The following ZNF350 variants were observed in gnomAD, a reference collection of about 807,000 sequenced individuals.
ZNF350 encodes zinc finger protein 350.
In ZNF350, 5 loss-of-function variants were observed where a neutral mutation model predicts 13.1. The ratio of observed to expected loss-of-function variants is 0.38; its 90% CI spans 0.20 to 0.80. ZNF350 has a LOEUF of 0.80. Among genes scored for constraint, ZNF350 ranks in the 30% least tolerant of loss-of-function variants. ZNF350 has a pLI of 0.43. For missense variants in ZNF350, 534 were observed against 644.2 expected, an observed-to-expected ratio of 0.83 and a Z score of 1.85; for synonymous variants, 199 against 224.2, an observed-to-expected ratio of 0.89 and a Z score of 1.00.
At position 51,966,281 on chromosome 19, in the gene ZNF350, G is replaced by GTT. The variant is rs72177430; in HGVS notation, c.239-69_239-68dup. On this transcript the variant is annotated intron_variant, in intron 4 of 4. Transcript: ENST00000243644. The stretch of plus-strand genomic sequence containing the variant: ...GGTAAAAGTTTGTTGTGGTTTTTTT[G>GTT]TTTTTTTTGTTTTTTTTTTTAAGAT... 2,724 of 1,407,678 alleles carry GTT rather than the reference G, an allele frequency of 1.9e-3. 26 individuals carry two copies. The African/African-American group carries it at 0.027, about 14-fold the overall frequency. The allele number at this position is 1,407,678 out of a possible 1,614,324, so 87.2% of individuals were successfully genotyped here.
chr19:51,983,464 C>G (rs1169841873), intron 1 of ZNF350, among the ~76,000 whole-genome samples: 1 of 152,184 alleles, frequency 6.6e-6, no homozygotes, highest in Non-Finnish European at 1.5e-5. Flanking sequence ...CTGCTCCTCC[C>G]TGGGAATGGA....
intron 2 of ZNF350, among the ~76,000 whole-genome samples, chr19:51,972,202 C>A (rs2085756619): frequency 6.6e-6 from 1 of 151,266 alleles, no homozygotes; most frequent in Non-Finnish European, 1.5e-5. Context: ...TGGCTTATGC[C>A]TGTAATCCCA....
chr19:51,985,564 T>C (rs2086143530), intron 1 of ZNF350, among the ~76,000 whole-genome samples: 1 of 152,138 alleles, frequency 6.6e-6, no homozygotes, highest in South Asian at 2.1e-4. Context: ...GCAATGGCAA[T>C]TGGAACCAGC....
chr19:51,974,308 A>G, intron 2 of ZNF350, 38 bp downstream of exon 2: 2 of 1,611,240 alleles, frequency 1.2e-6, no homozygotes, highest in Non-Finnish European at 1.7e-6. Context: ...TCTATTATGG[A>G]ACAAAGGAAA....
Position 51,976,811 on chromosome 19 carries a change from T to G in ZNF350, c.-171-2280A>C, listed in dbSNP as rs2085909081. 6.6e-6 allele frequency: 1 copy of G among 152,190 alleles called. No homozygotes were observed. The highest frequency in any genetic ancestry group is 2.1e-4 in the South Asian group (1 of 4,830). 9.4% of individuals were successfully genotyped at this position (152,190 alleles called of 1,614,324 possible). A position where few individuals can be genotyped will look rare whatever the true frequency, so the allele number is the denominator to read the frequency against. On this transcript the variant is annotated intron_variant, in intron 1 of 4. Transcript: ENST00000243644. This position sits in a 1 kb window ranked among gnomAD's most constrained non-coding sequence, Gnocchi z 4.5. ...TTTCCACAGGCAGGCACTCTTGATG[T>G]GGAAAATTGGGATACAGCAGGAGAA...
chr19:51,983,250 G>A (rs184576276), intron 1 of ZNF350, among the ~76,000 whole-genome samples: 2 of 152,280 alleles, frequency 1.3e-5, no homozygotes, highest in South Asian at 2.1e-4. Context: ...AATGCACTGC[G>A]GAAGGCCGCA....
chr19:51,970,933 A>C (rs939022473), intron 2 of ZNF350, among the ~76,000 whole-genome samples: 3 of 152,256 alleles, frequency 2.0e-5, no homozygotes, highest in Admixed American at 2.0e-4. Context: ...ATTATAGCCA[A>C]TAAATATTGG....
intron 4 of ZNF350, 57 bp from the exon 5 acceptor site, chr19:51,966,271 T>C (rs1425139894): frequency 2.0e-6 from 3 of 1,490,770 alleles, no homozygotes; most frequent in African/African-American, 1.5e-5. Flanking sequence ...AAGTTTGTTG[T>C]GGTTTTTTTG....
rs1225295699 is a variant in ZNF350 at position 51,965,617 on chromosome 19, A to G, written c.836T>C (p.Ile279Thr). ...CTCTCCGGTATGTGTTTTCTGATGTATGTTGAGCCGTGATTTCTTGAGAAA... is the reference window on the plus strand; with the variant it reads ...CTCTCCGGTATGTGTTTTCTGATGTGTGTTGAGCCGTGATTTCTTGAGAAA... ...KAFLKKSRLNIHQKTHTGEKP... is the reference protein window; with the variant it reads ...KAFLKKSRLNTHQKTHTGEKP... Residue 279 changes from isoleucine to threonine, a missense_variant, in exon 5 of 5, where the codon ATA becomes ACA. Coordinates refer to ENST00000243644, the MANE Select transcript of ZNF350 (RefSeq NM_021632.4). 1 of 1,614,024 alleles carries G rather than the reference A, an allele frequency of 6.2e-7. No individual in the cohort carries two copies. The highest frequency in any genetic ancestry group is 8.5e-7 in the Non-Finnish European group (1 of 1,180,028).
intron 3 of ZNF350, 68 bp downstream of exon 3, chr19:51,968,937 G>A: frequency 6.2e-7 from 1 of 1,613,546 alleles, no homozygotes; most frequent in Non-Finnish European, 8.5e-7. Context: ...TTCCAAAGAG[G>A]TAGGCATCTG....
intron 1 of ZNF350, among the ~76,000 whole-genome samples, chr19:51,983,242 T>C (rs1490549414): frequency 6.6e-6 from 1 of 152,158 alleles, no homozygotes; most frequent in Non-Finnish European, 1.5e-5. Flanking sequence ...AGGGACACAA[T>C]GCACTGCGGA....
At chr19:51,981,226 A>C (rs557787415) in intron 1 of ZNF350, 1 of 151,030 alleles carries the variant, frequency 6.6e-6, no homozygotes, top group Non-Finnish European at 1.5e-5. Context: ...TTGCAAGCCT[A>C]CTCTGAACTG....
intron 2 of ZNF350, 124 bp downstream of exon 2, chr19:51,974,222 A>C: frequency 1.9e-6 from 2 of 1,029,306 alleles, no homozygotes; most frequent in Non-Finnish European, 2.8e-6. Context: ...AACTAAGCTT[A>C]CTTCTCTCCA....
intron 1 of ZNF350, chr19:51,986,443 A>G (rs536612182): frequency 6.6e-6 from 1 of 152,442 alleles, no homozygotes; most frequent in Non-Finnish European, 1.5e-5. Flanking sequence ...TAAATCCTGA[A>G]CCCGAAGCAG....
chr19:51,977,317 G>C (rs2085921155), intron 1 of ZNF350, among the ~76,000 whole-genome samples: 1 of 151,994 alleles, frequency 6.6e-6, no homozygotes, highest in South Asian at 2.1e-4. Context: ...GCTAGAATCT[G>C]TGTTTGGTGC....
chr19:51,978,270 G>C (rs1013366858), intron 1 of ZNF350, among the ~76,000 whole-genome samples: 3 of 152,146 alleles, frequency 2.0e-5, no homozygotes, highest in Non-Finnish European at 4.4e-5. Flanking sequence ...CTACCCACCA[G>C]AGAAAGAATC....
intron 1 of ZNF350, among the ~76,000 whole-genome samples, chr19:51,977,596 G>T (rs1326773558): frequency 9.2e-5 from 14 of 152,212 alleles, no homozygotes; most frequent in Admixed American, 9.2e-4. Context: ...CCTGAAGAGG[G>T]AGTCCCTGTA....
rs1568476410 is a variant in ZNF350 at position 51,966,059 on chromosome 19, G to GT, written c.393dup (p.Arg132ThrfsTer13). 7 of 1,613,880 alleles carry GT rather than the reference G, an allele frequency of 4.3e-6. No individual in the cohort carries two copies. Among genetic ancestry groups the GT allele is most frequent in the Non-Finnish European group, 5.9e-6 (7 of 1,179,994 alleles). On this transcript the variant is annotated frameshift_variant, in exon 5 of 5. Coordinates refer to ENST00000243644, the MANE Select transcript of ZNF350 (RefSeq NM_021632.4). LOFTEE classifies it low-confidence loss of function (END_TRUNC). Reference sequence around the variant, plus strand: ...AAATTGGATTTCAAACTTTTTCCACGTAAGTCAAATATATCATGATTTTGC... The same window carrying GT: ...AAATTGGATTTCAAACTTTTTCCACGTTAAGTCAAATATATCATGATTTTGC...
chr19:51,966,283 T>TG lies in ZNF350; in HGVS notation c.239-70_239-69insC, dbSNP rs1422208237. Reference sequence around the variant, plus strand: ...TAAAAGTTTGTTGTGGTTTTTTTGTTTTTTTTGTTTTTTTTTTTAAGATGG... The same window carrying TG: ...TAAAAGTTTGTTGTGGTTTTTTTGTTGTTTTTTGTTTTTTTTTTTAAGATGG... On this transcript the variant is annotated intron_variant, in intron 4 of 4. Transcript: ENST00000243644. The TG allele has an allele frequency of 4.1e-6, 6 of 1,462,090 alleles. No homozygotes were observed. The African/African-American group carries it at 7.2e-5, about 18-fold the overall frequency. 90.6% of individuals were successfully genotyped at this position (1,462,090 alleles called of 1,614,324 possible). A position where few individuals can be genotyped will look rare whatever the true frequency, so the allele number is the denominator to read the frequency against.
Sources: allele counts gnomAD v4.1 joint callset (sites outside exome capture counted in the v4.1 genomes callset), GRCh38; gene constraint gnomAD v4.1.1; non-coding constraint Gnocchi (gnomAD v3.1); transcripts MANE v1.5; gene names NCBI Gene and HGNC (gene_info 2026-07-23, HGNC 2026-07-21).